TJP1: variants seen among roughly 807,000 people sequenced by gnomAD.
TJP1 encodes the protein tight junction protein ZO-1.
A neutral mutation model predicts 194.2 loss-of-function variants in TJP1; 43 were observed. The observed-to-expected ratio is 0.22, with a 90% CI of 0.17 to 0.29. The LOEUF (loss-of-function observed/expected upper bound fraction) is 0.29. TJP1 is among the 10% of genes least tolerant of loss of function. The pLI is 1.00. For synonymous variants in TJP1, 801 were observed against 779.0 expected (o/e 1.03, Z -0.47); for missense variants, 1,971 against 2,185.7 (o/e 0.90, Z 1.96).
At chr15:29,796,792 C>T (rs1045910381) in intron 2 of TJP1, among the ~76,000 whole-genome samples, 1 of 152,066 alleles carries the variant, frequency 6.6e-6, no homozygotes, top group Non-Finnish European at 1.5e-5. Flanking sequence ...CTACAGTAAT[C>T]GATGCATAAG....
intron 2 of TJP1, among the ~76,000 whole-genome samples, chr15:29,854,899 G>A (rs186913169): frequency 4.4e-4 from 67 of 150,620 alleles, no homozygotes; most frequent in Admixed American, 4.0e-3. Flanking sequence ...ATTGAGGAGG[G>A]GAAAAAAAAA....
intron 2 of TJP1, among the ~76,000 whole-genome samples, chr15:29,829,362 G>A (rs996213873): frequency 6.6e-6 from 1 of 151,846 alleles, no homozygotes; most frequent in African/African-American, 2.4e-5. Context: ...TGTTACTTTC[G>A]AGCCTCTGGA....
chr15:29,949,463 A>C (rs2055479932), intron 2 of TJP1, among the ~76,000 whole-genome samples: 1 of 101,044 alleles, frequency 9.9e-6, no homozygotes, highest in African/African-American at 4.3e-5. Context: ...CACCACTTCC[A>C]CCACCACCAC....
At chr15:29,949,436 T>TCCACCACCACCTTCACCA (rs2055469456) in intron 2 of TJP1, among the ~76,000 whole-genome samples, 1 of 113,838 alleles carries the variant, frequency 8.8e-6, no homozygotes, top group African/African-American at 3.4e-5. Flanking sequence ...AACCACCACC[T>TCCACCACCACCTTCACCA]CCACCTCCAC....
Position 29,705,680 on chromosome 15 carries a change from A to T in TJP1, c.4916T>A (p.Ile1639Lys), listed in dbSNP as rs750682659. 1 of 1,614,184 alleles carries T rather than the reference A, an allele frequency of 6.2e-7. No homozygotes were observed. Among genetic ancestry groups the T allele is most frequent in the Non-Finnish European group, 8.5e-7 (1 of 1,180,044 alleles). ...GHTVVATARG[I>K]FNSNGGVLSS... Reference sequence around the variant, plus strand: ...CAGCACGCCCCCATTGCTGTTAAATATGCCTCGGGCTGTGGCCACCACAGT... The same window carrying T: ...CAGCACGCCCCCATTGCTGTTAAATTTGCCTCGGGCTGTGGCCACCACAGT... The change falls in exon 26 of 28, where the codon ATA becomes AAA. Residue 1639 changes from isoleucine to lysine, a missense_variant. By Grantham distance (102) the Ile-to-Lys change is moderately radical. Coordinates refer to ENST00000614355, the MANE Select transcript of TJP1 (RefSeq NM_001330239.4).
At chr15:29,704,996 T>C (rs1437894464) in intron 26 of TJP1, among the ~76,000 whole-genome samples, 2 of 152,230 alleles carry the variant, frequency 1.3e-5, no homozygotes, top group Non-Finnish European at 2.9e-5. Context: ...TCCTGGTAGA[T>C]CCAGGAGGAT....
chr15:29,949,878 CAA>C, intron 2 of TJP1, among the ~76,000 whole-genome samples: 1 of 95,024 alleles, frequency 1.1e-5, no homozygotes, highest in Non-Finnish European at 2.0e-5. Context: ...TCCACCTCCA[CAA>C]CCACCACCTC....
intron 2 of TJP1, among the ~76,000 whole-genome samples, chr15:29,829,596 C>A (rs2050774216): frequency 6.7e-6 from 1 of 148,942 alleles, no homozygotes; most frequent in African/African-American, 2.5e-5. Context: ...TCTGTCCTCC[C>A]AAGATGGCAG....
At chr15:29,853,904 C>T (rs185266727) in intron 2 of TJP1, among the ~76,000 whole-genome samples, 7 of 152,056 alleles carry the variant, frequency 4.6e-5, no homozygotes, top group East Asian at 3.9e-4. Flanking sequence ...TGGTTTTTTC[C>T]GAGAGAACAT....
At chr15:29,805,389 G>A (rs1268095303) in intron 1 of TJP1, among the ~76,000 whole-genome samples, 1 of 152,144 alleles carries the variant, frequency 6.6e-6, no homozygotes, top group Non-Finnish European at 1.5e-5. Context: ...GACAGGATGA[G>A]CCTATAACTG....
Position 29,709,019 on chromosome 15 carries a change from C to T in TJP1, c.4390G>A (p.Asp1464Asn), listed in dbSNP as rs758417794. The T allele has an allele frequency of 6.2e-7, 1 of 1,610,390 alleles. No individual in the cohort carries two copies. Among genetic ancestry groups the T allele is most frequent in the South Asian group, 1.1e-5 (1 of 90,758 alleles). The change falls in exon 25 of 28, where the codon GAT becomes AAT. Residue 1464 changes from aspartate to asparagine, a missense_variant. By Grantham distance (23) the Asp-to-Asn change is conservative. Around this residue, in one of 5 missense-constraint regions of TJP1, gnomAD observed 1,108 missense variants for 1,128.5 expected, o/e 0.98. Transcript: ENST00000614355. ...TTGGACACTAAGGAATTCTGAAAAT[C>T]CAATGACACTGAATTACCTGAAAAA... ...AHGEGNSVSL[D>N]FQNSLVSKPD...
At chr15:29,752,433 T>TA (rs2045352499) in intron 8 of TJP1, among the ~76,000 whole-genome samples, 2 of 152,296 alleles carry the variant, frequency 1.3e-5, no homozygotes, top group African/African-American at 4.8e-5. Context: ...GGATATATGA[T>TA]AAATATTGAA....
chr15:29,822,356 C>T lies in TJP1; in HGVS notation c.-328G>A. ...GCCCGCCCGTCAGCAGCACCCGTGG[C>T]CTCCCGGCGTCTCCTCGGAAGCCGG... is the stretch of plus-strand genomic sequence containing the variant. On this transcript the variant is annotated 5_prime_UTR_variant, in exon 1 of 28. Transcript: ENST00000614355. 1 of 1,047,094 alleles carries T rather than the reference C, an allele frequency of 9.6e-7. No homozygotes were observed. Among genetic ancestry groups the T allele is most frequent in the Non-Finnish European group, 1.1e-6 (1 of 869,696 alleles). The allele number at this position is 1,047,094 out of a possible 1,614,324, so 64.9% of individuals were successfully genotyped here.
chr15:29,737,879 G>T (rs530732348), intron 10 of TJP1, among the ~76,000 whole-genome samples: 2 of 152,146 alleles, frequency 1.3e-5, no homozygotes, highest in African/African-American at 4.8e-5. Flanking sequence ...CAAGCATTGT[G>T]ATTTCTACAT....
intron 11 of TJP1, among the ~76,000 whole-genome samples, chr15:29,734,671 A>T (rs912859684): frequency 6.6e-6 from 1 of 151,940 alleles, no homozygotes; most frequent in Non-Finnish European, 1.5e-5. Flanking sequence ...TTTTTAGTAG[A>T]GATGGGGTTT....
At chr15:29,706,943 C>T (rs1268918967) in intron 25 of TJP1, among the ~76,000 whole-genome samples, 2 of 152,188 alleles carry the variant, frequency 1.3e-5, no homozygotes, top group Non-Finnish European at 2.9e-5. Flanking sequence ...GCATGAGCCA[C>T]CGTGCCTGGC....
intron 5 of TJP1, among the ~76,000 whole-genome samples, chr15:29,763,587 G>T (rs1239783310): frequency 6.6e-6 from 1 of 151,832 alleles, no homozygotes; most frequent in Non-Finnish European, 1.5e-5. Flanking sequence ...GGCTAGCATG[G>T]TAAAACCGTC....
chr15:29,908,048 C>CAAAAAAAAAAAAAAAAAAAAAAAA lies in TJP1; in HGVS notation c.306+48160_306+48183dup, dbSNP rs1156724424. On this transcript the variant is annotated intron_variant, in intron 2 of 28. Transcript: ENST00000356107. ...AAAGTTGAGAAATTACCTTATAAAG[C>CAAAAAAAAAAAAAAAAAAAAAAAA]AAAAAAAAAAAAAAAAAAAAAAAAA... Among the ~76,000 whole-genome samples, 10 of 19,524 alleles carry CAAAAAAAAAAAAAAAAAAAAAAAA rather than the reference C, an allele frequency of 5.1e-4. 4 individuals are homozygous for CAAAAAAAAAAAAAAAAAAAAAAAA. Among genetic ancestry groups the CAAAAAAAAAAAAAAAAAAAAAAAA allele is most frequent in the Non-Finnish European group, 8.8e-4 (9 of 10,186 alleles). The allele number at this position is 19,524 out of a possible 152,430, so 12.8% of individuals were successfully genotyped here. A position where few individuals can be genotyped will look rare whatever the true frequency, so the allele number is the denominator to read the frequency against.
chr15:29,766,389 G>C lies in TJP1; in HGVS notation c.466C>G (p.Pro156Ala), dbSNP rs903579869. The C allele has an allele frequency of 1.9e-6, 3 of 1,613,958 alleles. No individual in the cohort carries two copies. The Admixed American group carries it at 5.0e-5, about 27-fold the overall frequency. The change falls in exon 5 of 28, where the codon CCG becomes GCG. Residue 156 changes from proline to alanine, a missense_variant. Physicochemically the swap from Pro to Ala is conservative, Grantham distance 27 (BLOSUM62 -1). This residue lies in a region of TJP1 where 245 missense variants were observed against 336.6 expected (regional missense o/e 0.73). Transcript: ENST00000614355. ...TCTCTACTTGCACTTCTATCCCTCG[G>C]CCAAATCTTCTCACTCCTTCTGTTA... is the stretch of plus-strand genomic sequence containing the variant. Reference protein sequence around the residue: ...VVNRRSEKIWPRDRSASRERS... With the variant: ...VVNRRSEKIWARDRSASRERS...
Sources: allele counts gnomAD v4.1 joint callset (sites outside exome capture counted in the v4.1 genomes callset), GRCh38; gene constraint gnomAD v4.1.1; regional missense constraint gnomAD v4.1.1; transcripts MANE v1.5; gene names NCBI Gene and HGNC (gene_info 2026-07-23, HGNC 2026-07-21).